Variants in RTN4RL1 observed in about 807,000 individuals in gnomAD.
RTN4RL1 encodes the protein reticulon-4 receptor-like 1.
A neutral mutation model predicts 25.6 loss-of-function variants in RTN4RL1; 7 were observed. The observed-to-expected ratio is 0.27, with a 90% confidence interval of 0.16 to 0.51. The LOEUF (loss-of-function observed/expected upper bound fraction) is 0.51. Among genes scored for constraint, RTN4RL1 ranks in the 20% least tolerant of loss-of-function variants. The pLI is 0.97. For synonymous variants in RTN4RL1, 297 were observed against 288.2 expected, an observed-to-expected ratio of 1.03 and a Z score of -0.31; for missense variants, 500 against 615.6, an observed-to-expected ratio of 0.81 and a Z score of 1.99.
chr17:2,010,408 C>T (rs965748788), intron 1 of RTN4RL1, among the ~76,000 whole-genome samples: 1 of 152,094 alleles, frequency 6.6e-6, no homozygotes. Flanking sequence ...ACCCAGGAGA[C>T]GGAGATTGCA....
At chr17:1,991,837 G>A (rs1292541570) in intron 1 of RTN4RL1, among the ~76,000 whole-genome samples, 7 of 152,140 alleles carry the variant, frequency 4.6e-5, no homozygotes, top group Non-Finnish European at 7.3e-5. Context: ...GCTCCCACAT[G>A]CGCATTTCTG....
chr17:1,968,477 TA>T (rs1388846669), intron 1 of RTN4RL1, among the ~76,000 whole-genome samples: 2 of 152,214 alleles, frequency 1.3e-5, no homozygotes, highest in African/African-American at 4.8e-5. Context: ...GGAGTTTTTC[TA>T]AAACTCAGCT....
chr17:1,992,146 C>A (rs1253726038), intron 1 of RTN4RL1, among the ~76,000 whole-genome samples: 1 of 151,902 alleles, frequency 6.6e-6, no homozygotes, highest in Non-Finnish European at 1.5e-5. Flanking sequence ...GGGTGGATGA[C>A]GAGGTCAGGA....
intron 1 of RTN4RL1, among the ~76,000 whole-genome samples, chr17:1,992,086 C>T (rs1260499215): frequency 2.0e-5 from 3 of 151,964 alleles, no homozygotes; most frequent in South Asian, 2.1e-4. Context: ...GTCCTCGTGC[C>T]GGGCGCAGTG....
intron 1 of RTN4RL1, among the ~76,000 whole-genome samples, chr17:1,981,335 C>T (rs1372865428): frequency 1.3e-5 from 2 of 152,152 alleles, no homozygotes; most frequent in Admixed American, 6.5e-5. Context: ...GAGCCGTGAT[C>T]GTGCTACTGC....
intron 1 of RTN4RL1, among the ~76,000 whole-genome samples, chr17:2,012,032 A>G (rs1468174676): frequency 6.6e-6 from 1 of 152,176 alleles, no homozygotes; most frequent in Admixed American, 6.5e-5. Flanking sequence ...ATGGGAGCCA[A>G]GACAAAAGAG....
intron 1 of RTN4RL1, among the ~76,000 whole-genome samples, chr17:2,002,840 G>A (rs1354279667): frequency 6.6e-6 from 1 of 152,200 alleles, no homozygotes; most frequent in Non-Finnish European, 1.5e-5. Context: ...CCGGCTACCA[G>A]GAGGGGCCCA....
rs573877289 is a variant in RTN4RL1, at chr17:1,971,867, C to T, written c.14-34059G>A. Among the ~76,000 whole-genome samples, 19 of 149,734 alleles carry T rather than the reference C, an allele frequency of 1.3e-4. No individual in the cohort carries two copies. In the East Asian group the frequency reaches 3.5e-3, roughly 28 times the overall value. ...GTCCCAGCTACTCGGGAGGCTGAGG[C>T]AGGAGAATGGCATGAACCTGGGAGG... is the stretch of plus-strand genomic sequence containing the variant. On this transcript the variant is annotated intron_variant, in intron 1 of 1. Transcript: ENST00000331238.
chr17:1,950,637 A>C (rs1473052763), intron 1 of RTN4RL1, among the ~76,000 whole-genome samples: 1 of 150,778 alleles, frequency 6.6e-6, no homozygotes, highest in African/African-American at 2.4e-5. Context: ...ACTTGAGTTC[A>C]GGAGTTTGAG....
At chr17:2,004,606 T>C (rs1447318191) in intron 1 of RTN4RL1, among the ~76,000 whole-genome samples, 4 of 152,140 alleles carry the variant, frequency 2.6e-5, no homozygotes, top group Non-Finnish European at 4.4e-5. Context: ...TCCAAGCGAA[T>C]GGAAACCACT....
At chr17:1,961,660 G>T (rs1224067496) in intron 1 of RTN4RL1, among the ~76,000 whole-genome samples, 3 of 151,500 alleles carry the variant, frequency 2.0e-5, no homozygotes, top group African/African-American at 7.3e-5. Flanking sequence ...AGGCGCGGTG[G>T]CTCATGCCTG....
chr17:1,964,663 C>T (rs554485490), intron 1 of RTN4RL1, among the ~76,000 whole-genome samples: 5 of 149,106 alleles, frequency 3.4e-5, no homozygotes, highest in Non-Finnish European at 7.4e-5. Flanking sequence ...ACCTGGGAGG[C>T]GGAGCTTGCA....
chr17:1,977,589 G>A (rs569896811), intron 1 of RTN4RL1, among the ~76,000 whole-genome samples: 194 of 152,256 alleles, frequency 1.3e-3, no homozygotes, highest in African/African-American at 4.2e-3. Flanking sequence ...GAGACCTGGG[G>A]CGGCCTGGCC....
At chr17:2,016,912 A>G (rs2067131862) in intron 1 of RTN4RL1, among the ~76,000 whole-genome samples, 1 of 152,222 alleles carries the variant, frequency 6.6e-6, no homozygotes, top group African/African-American at 2.4e-5. Context: ...TGAATAGAAC[A>G]TTAAAGGCAA....
intron 1 of RTN4RL1, among the ~76,000 whole-genome samples, chr17:2,021,968 C>T (rs2067212665): frequency 6.6e-6 from 1 of 151,460 alleles, no homozygotes; most frequent in African/African-American, 2.4e-5. Context: ...AAGTGATCCT[C>T]CCACCTCAGC....
At chr17:1,941,387 T>C (rs1366894056) in intron 1 of RTN4RL1, among the ~76,000 whole-genome samples, 2 of 151,654 alleles carry the variant, frequency 1.3e-5, no homozygotes, top group African/African-American at 2.4e-5. Context: ...AGAGCAGGGG[T>C]GGAGTGAAGA....
chr17:1,988,874 A>T (rs2151318593), intron 1 of RTN4RL1, among the ~76,000 whole-genome samples: 1 of 149,884 alleles, frequency 6.7e-6, no homozygotes, highest in South Asian at 2.1e-4. Flanking sequence ...GAAAGAAAAT[A>T]GTCAGCATGA....
At chr17:1,967,572 A>G (rs1319528958) in intron 1 of RTN4RL1, among the ~76,000 whole-genome samples, 1 of 151,524 alleles carries the variant, frequency 6.6e-6, no homozygotes, top group African/African-American at 2.4e-5. Flanking sequence ...TACACCTGGA[A>G]TTCTACCCCT....
chr17:1,953,690 G>A (rs1915731111), intron 1 of RTN4RL1, among the ~76,000 whole-genome samples: 1 of 151,992 alleles, frequency 6.6e-6, no homozygotes, highest in Admixed American at 6.6e-5. Flanking sequence ...TCAGCCTCCT[G>A]AGTAGCTGGG....
Sources: gnomAD v4.1 joint callset for allele counts (sites outside exome capture counted in the v4.1 genomes callset) on GRCh38, gnomAD v4.1.1 for gene constraint, MANE v1.5 for transcripts, NCBI Gene and HGNC (gene_info 2026-07-23, HGNC 2026-07-21) for gene names.